Variants in ARHGEF26 observed in about 807,000 individuals in gnomAD.
ARHGEF26 encodes the protein Rho guanine nucleotide exchange factor 26, also known as Rho guanine nucleotide exchange factor (GEF) 26.
ARHGEF26 carries 59 observed loss-of-function variants against 89.4 expected under a neutral mutation model. That is an observed-to-expected ratio of 0.66 (90% CI 0.54 to 0.82). ARHGEF26 has a LOEUF of 0.82. Ranked by LOEUF, ARHGEF26 falls within the 40% of genes least tolerant of loss-of-function variation. The pLI is 0.00. For synonymous variants in ARHGEF26, 500 were observed against 428.4 expected, an observed-to-expected ratio of 1.17 and a Z score of -2.06; for missense variants, 1,234 against 1,085.6, an observed-to-expected ratio of 1.14 and a Z score of -1.92.
chr3:154,152,815 G>C lies in ARHGEF26; in HGVS notation c.1370G>C (p.Ser457Thr), dbSNP rs766703775. 6.4e-7 allele frequency: 1 copy of C among 1,564,354 alleles called. No homozygotes were observed. The highest frequency in any genetic ancestry group is 1.2e-5 in the South Asian group (1 of 83,926). ...TCCTCTGAACATTCATATTTACTCA[G>C]CTTGGAGATCTTGATACGAATGTTT... The part of the protein sequence containing the change: ...VISSEHSYLL[S>T]LEILIRMFKN... Residue 457 changes from serine (S) to threonine (T), a missense_variant, in exon 6 of 15, where the codon AGC (serine) becomes ACC (threonine). Transcript: ENST00000465093.
chr3:154,124,643 C>G (rs16823668), intron 3 of ARHGEF26, among the ~76,000 whole-genome samples, 194 bp downstream of exon 3: 1,749 of 152,108 alleles, frequency 0.011, 33 homozygotes, highest in African/African-American at 0.04. Flanking sequence ...TAGTTAATGG[C>G]ATTTTTTATA....
At chr3:154,139,387 G>A (rs548533358) in intron 4 of ARHGEF26, among the ~76,000 whole-genome samples, 19 of 152,246 alleles carry the variant, frequency 1.2e-4, no homozygotes, top group Non-Finnish European at 2.5e-4. Context: ...CTATGAAATC[G>A]AATTAAATTT....
chr3:154,145,773 A>T (rs1046570255), intron 4 of ARHGEF26, among the ~76,000 whole-genome samples: 1 of 152,188 alleles, frequency 6.6e-6, no homozygotes, highest in African/African-American at 2.4e-5. Context: ...CTCTCCACAG[A>T]TGTAGGACTG....
chr3:154,127,809 G>T (rs192990235), intron 3 of ARHGEF26, among the ~76,000 whole-genome samples: 2 of 152,164 alleles, frequency 1.3e-5, no homozygotes, highest in Non-Finnish European at 2.9e-5. Context: ...GAGTAATGTG[G>T]TACACTACAA....
chr3:154,181,482 T>G (rs1268535167), intron 6 of ARHGEF26, among the ~76,000 whole-genome samples: 1 of 152,164 alleles, frequency 6.6e-6, no homozygotes, highest in Non-Finnish European at 1.5e-5. Context: ...AAAAAGTACC[T>G]TGAAAGGATG....
intron 4 of ARHGEF26, among the ~76,000 whole-genome samples, chr3:154,130,794 A>G (rs1012652077): frequency 6.6e-6 from 1 of 152,218 alleles, no homozygotes; most frequent in African/African-American, 2.4e-5. Context: ...ATGAGTCCTT[A>G]GGCAATATCA....
intron 11 of ARHGEF26, among the ~76,000 whole-genome samples, chr3:154,239,289 AGAGAGAGAGAGTGT>A (rs1485868179): frequency 1.8e-3 from 182 of 103,666 alleles, no homozygotes; most frequent in African/African-American, 6.7e-3. Context: ...AGAGAGAGAG[AGAGAGAGAGAGTGT>A]GTGTGTGTGT....
At chr3:154,142,583 G>A (rs1341576397) in intron 4 of ARHGEF26, among the ~76,000 whole-genome samples, 3 of 152,092 alleles carry the variant, frequency 2.0e-5, no homozygotes, top group South Asian at 2.1e-4. Flanking sequence ...ATTCAGAGTC[G>A]CTGTTGTTCT....
At chr3:154,234,000 A>G (rs1404730342) in intron 11 of ARHGEF26, among the ~76,000 whole-genome samples, 2 of 152,248 alleles carry the variant, frequency 1.3e-5, no homozygotes, top group African/African-American at 4.8e-5. Context: ...ATATGCCAAA[A>G]ATCATATGAA....
chr3:154,212,849 C>A (rs1715463478), intron 9 of ARHGEF26, among the ~76,000 whole-genome samples: 2 of 152,040 alleles, frequency 1.3e-5, no homozygotes, highest in Non-Finnish European at 1.5e-5. Flanking sequence ...CTAACCAATC[C>A]ATGGCCCTGG....
intron 13 of ARHGEF26, among the ~76,000 whole-genome samples, chr3:154,253,980 A>T (rs905966506): frequency 6.6e-5 from 10 of 152,328 alleles, no homozygotes; most frequent in Admixed American, 5.9e-4. Flanking sequence ...CTCTGGTGCT[A>T]TCTCAGCTCA....
rs180780791 is a variant in ARHGEF26, at chr3:154,153,456, G to A, written c.1487+524G>A. 2.7e-3 allele frequency among the ~76,000 whole-genome samples: 413 copies of A among 151,746 alleles called. 8 individuals carry two copies. The highest frequency in any genetic ancestry group is 3.4e-4 in the Non-Finnish European group (23 of 67,894). The stretch of plus-strand genomic sequence containing the variant: ...CCATATTTACTTATCTATTATTTTT[G>A]CTTAATTTTTTTCCAAGTATATACA... On this transcript the variant is annotated intron_variant, in intron 6 of 14. Transcript: ENST00000465093.
chr3:154,141,168 T>G (rs10935976), intron 4 of ARHGEF26, among the ~76,000 whole-genome samples: 34,973 of 151,510 alleles, frequency 0.23, 5,373 homozygotes, highest in East Asian at 0.47. Context: ...GGTTTCACCG[T>G]GTTAGCCAGG....
intron 9 of ARHGEF26, among the ~76,000 whole-genome samples, chr3:154,210,663 C>T (rs1236614538): frequency 1.3e-5 from 2 of 151,676 alleles, no homozygotes; most frequent in East Asian, 4.0e-4. Context: ...TGTCTGGGGC[C>T]AGGCACAATG....
intron 6 of ARHGEF26, chr3:154,187,129 A>G (rs1713615123): frequency 5.6e-6 from 3 of 540,486 alleles, no homozygotes; most frequent in African/African-American, 2.1e-5. Context: ...TCAACTCATA[A>G]TCCACCCGCT....
intron 4 of ARHGEF26, among the ~76,000 whole-genome samples, chr3:154,145,185 T>C (rs2108082316): frequency 6.6e-6 from 1 of 152,288 alleles, no homozygotes; most frequent in Admixed American, 6.5e-5. Flanking sequence ...CTGGCAGATT[T>C]TTCATTTTAA....
chr3:154,121,981 C>G lies in ARHGEF26; in HGVS notation c.-12C>G. The G allele has an allele frequency of 1.3e-6, 2 of 1,578,580 alleles. No individual in the cohort carries two copies. The highest frequency in any genetic ancestry group is 1.7e-6 in the Non-Finnish European group (2 of 1,156,722). Reference sequence around the variant, plus strand: ...GTGTTGCTCCTCCCGGCGCTGACTTCGAGGCCCGGCTATGGACGGCGAGAG... The same window carrying G: ...GTGTTGCTCCTCCCGGCGCTGACTTGGAGGCCCGGCTATGGACGGCGAGAG... On this transcript the variant is annotated 5_prime_UTR_variant, in exon 2 of 15. Coordinates refer to ENST00000465093, the MANE Select transcript of ARHGEF26 (RefSeq NM_015595.4).
At chr3:154,252,378 A>G (rs1038914362) in intron 12 of ARHGEF26, among the ~76,000 whole-genome samples, 6 of 152,214 alleles carry the variant, frequency 3.9e-5, no homozygotes, top group Non-Finnish European at 5.9e-5. Context: ...GTGGCGGGGC[A>G]GTATTTAATT....
At chr3:154,190,135 A>G (rs186698482) in intron 7 of ARHGEF26, among the ~76,000 whole-genome samples, 2,129 of 152,206 alleles carry the variant, frequency 0.014, 20 homozygotes, top group Non-Finnish European at 0.024. Flanking sequence ...TGGCAGTGGA[A>G]CTCTACAGAG....
Sources: gnomAD v4.1 joint callset for allele counts (sites outside exome capture counted in the v4.1 genomes callset) on GRCh38, gnomAD v4.1.1 for gene constraint, MANE v1.5 for transcripts, NCBI Gene and HGNC (gene_info 2026-07-23, HGNC 2026-07-21) for gene names.